SLC25A21: variants seen among roughly 807,000 people sequenced by gnomAD.
SLC25A21 encodes the protein mitochondrial 2-oxodicarboxylate carrier.
Under a neutral mutation model 43.8 loss-of-function variants are expected in SLC25A21, and 47 were observed. That is an observed-to-expected ratio of 1.07 (90% CI 0.85 to 1.37). The LOEUF (loss-of-function observed/expected upper bound fraction) is 1.37, where lower values mean the gene tolerates loss of function less well. Among genes scored for constraint, SLC25A21 ranks in the 40% most tolerant of loss-of-function variants. The pLI, the probability that SLC25A21 is intolerant of heterozygous loss-of-function variation, is 0.00. For missense variants in SLC25A21, 352 were observed against 350.2 expected, an observed-to-expected ratio of 1.00 and a Z score of -0.04; for synonymous variants, 131 against 121.3, an observed-to-expected ratio of 1.08 and a Z score of -0.52.
intron 1 of SLC25A21, among the ~76,000 whole-genome samples, chr14:36,947,911 A>G (rs1203466993): frequency 6.6e-6 from 1 of 152,198 alleles, no homozygotes; most frequent in Admixed American, 6.5e-5. Flanking sequence ...ATTCTAAATG[A>G]TATGTATGTG....
intron 1 of SLC25A21, among the ~76,000 whole-genome samples, chr14:37,002,792 C>T (rs1236804611): frequency 6.6e-6 from 1 of 152,180 alleles, no homozygotes; most frequent in Non-Finnish European, 1.5e-5. Flanking sequence ...AGGGCTAGTC[C>T]ATGATATTCT....
intron 2 of SLC25A21, among the ~76,000 whole-genome samples, chr14:36,822,539 A>G (rs1888672385): frequency 2.0e-5 from 3 of 152,230 alleles, no homozygotes; most frequent in Non-Finnish European, 4.4e-5. Context: ...AAGTGTCTCT[A>G]TGTTATTATA....
chr14:37,048,400 GT>G (rs1961633778), intron 1 of SLC25A21, among the ~76,000 whole-genome samples: 1 of 151,652 alleles, frequency 6.6e-6, no homozygotes, highest in South Asian at 2.1e-4. Flanking sequence ...TCAATCAACT[GT>G]TTCCTAAGGA....
In SLC25A21 at chr14:36,699,092, C is replaced by CATCAA. The variant is rs142871283; in HGVS notation, c.603+12225_603+12226insTTGAT. Among the ~76,000 whole-genome samples the CATCAA allele has an allele frequency of 5.1e-3, 774 of 150,778 alleles. 6 individuals carry two copies. The highest frequency in any genetic ancestry group is 0.018 in the African/African-American group (752 of 41,162). ...TTTGGTCTTTGATGTTGGTGACCTACAGATGGGGTTTTGGTGTAGATGACC... is the reference window on the plus strand; with the variant it reads ...TTTGGTCTTTGATGTTGGTGACCTACATCAAAGATGGGGTTTTGGTGTAGATGACC... On this transcript the variant is annotated intron_variant, in intron 7 of 9. Transcript: ENST00000331299.
Position 36,852,124 on chromosome 14 carries a change from T to C in SLC25A21, c.119+22832A>G, listed in dbSNP as rs144977525. Among the ~76,000 whole-genome samples, 174 of 152,324 alleles carry C rather than the reference T, an allele frequency of 1.1e-3. 1 individual carries two copies. The highest frequency in any genetic ancestry group is 0.01 in the Middle Eastern group (3 of 294). On this transcript the variant is annotated intron_variant, in intron 2 of 9. Transcript: ENST00000331299. ...CAAAAAGTACTGGGAACATACCCTT[T>C]CTGATCCAAATGAGCATTCTATGTA...
rs1882100689 is a variant in SLC25A21 at position 36,679,565 on chromosome 14, A to G, written c.*1093T>C. On this transcript the variant is annotated 3_prime_UTR_variant, in exon 10 of 10. Transcript: ENST00000331299. ...AGACCAAGGAGATATTTTTGTTGATACATGTTAGTATAGTAATCCTTAGAA... is the reference window on the plus strand; with the variant it reads ...AGACCAAGGAGATATTTTTGTTGATGCATGTTAGTATAGTAATCCTTAGAA... The G allele has an allele frequency of 1.0e-6, 1 of 985,370 alleles. No individual in the cohort carries two copies. Among genetic ancestry groups the G allele is most frequent in the Non-Finnish European group, 1.2e-6 (1 of 829,888 alleles). 61.0% of individuals were successfully genotyped at this position (985,370 alleles called of 1,614,324 possible).
chr14:37,123,867 A>AT (rs1963253257), intron 1 of SLC25A21, among the ~76,000 whole-genome samples: 3 of 152,136 alleles, frequency 2.0e-5, no homozygotes, highest in Non-Finnish European at 4.4e-5. Context: ...CCATAAATAA[A>AT]AATTAAATAA....
intron 1 of SLC25A21, among the ~76,000 whole-genome samples, chr14:37,119,349 G>A (rs1488601195): frequency 6.6e-6 from 1 of 152,132 alleles, no homozygotes; most frequent in Non-Finnish European, 1.5e-5. Flanking sequence ...AGGCATTCGA[G>A]ACCAGCCTGG....
At chr14:37,084,995 A>C (rs1360019408) in intron 1 of SLC25A21, among the ~76,000 whole-genome samples, 1 of 152,194 alleles carries the variant, frequency 6.6e-6, no homozygotes, top group African/African-American at 2.4e-5. Flanking sequence ...ATGAGGTTCA[A>C]TAAATTCTTT....
chr14:37,149,009 A>G (rs866756063), intron 1 of SLC25A21, among the ~76,000 whole-genome samples: 9 of 152,244 alleles, frequency 5.9e-5, no homozygotes, highest in African/African-American at 1.4e-4. Flanking sequence ...GGCTCAAGCA[A>G]TTCTCCCCAC....
chr14:36,740,943 G>T (rs1318721024), intron 3 of SLC25A21, among the ~76,000 whole-genome samples: 5 of 152,048 alleles, frequency 3.3e-5, no homozygotes, highest in Non-Finnish European at 5.9e-5. Flanking sequence ...TAGTCAGTTT[G>T]AACGACTAAA....
chr14:36,951,711 T>C (rs1892815492), intron 1 of SLC25A21, among the ~76,000 whole-genome samples: 1 of 152,120 alleles, frequency 6.6e-6, no homozygotes, highest in Non-Finnish European at 1.5e-5. Flanking sequence ...GGTGGAAATA[T>C]TGCACAATTC....
chr14:36,981,090 T>A (rs1040149092), intron 1 of SLC25A21, among the ~76,000 whole-genome samples: 1 of 151,564 alleles, frequency 6.6e-6, no homozygotes, highest in Non-Finnish European at 1.5e-5. Context: ...GAAAAAATGC[T>A]CATGATCACT....
At chr14:37,017,141 G>A (rs1313196848) in intron 1 of SLC25A21, among the ~76,000 whole-genome samples, 1 of 151,986 alleles carries the variant, frequency 6.6e-6, no homozygotes, top group Non-Finnish European at 1.5e-5. Flanking sequence ...ACTGTTTAGT[G>A]CAAGAGGCCT....
chr14:37,116,548 T>A (rs1963110131), intron 1 of SLC25A21, among the ~76,000 whole-genome samples: 1 of 152,174 alleles, frequency 6.6e-6, no homozygotes, highest in African/African-American at 2.4e-5. Context: ...TCAAAGTTTG[T>A]GATTAAAACC....
Position 36,788,732 on chromosome 14 carries a change from G to A in SLC25A21, c.203+25186C>T, listed in dbSNP as rs148839138. 3.3e-5 allele frequency: 5 copies of A among 152,088 alleles called. No individual in the cohort carries two copies. The East Asian group carries it at 9.7e-4, about 29-fold the overall frequency. The allele number at this position is 152,088 out of a possible 1,614,324, so 9.4% of individuals were successfully genotyped here. A position where few individuals can be genotyped will look rare whatever the true frequency, so the allele number is the denominator to read the frequency against. ...TCTTTGGATTCTGATGATATTGAAA[G>A]TCTGTGCTTTGCTGTTATCTATCTG... is the stretch of plus-strand genomic sequence containing the variant. On this transcript the variant is annotated intron_variant, in intron 3 of 9. Transcript: ENST00000331299.
At chr14:36,950,324 T>C (rs1892777190) in intron 1 of SLC25A21, among the ~76,000 whole-genome samples, 1 of 152,200 alleles carries the variant, frequency 6.6e-6, no homozygotes, top group African/African-American at 2.4e-5. Context: ...CATTTGGAGA[T>C]AGGGCTGTTA....
At chr14:36,752,899 G>A (rs1444080424) in intron 3 of SLC25A21, among the ~76,000 whole-genome samples, 1 of 152,104 alleles carries the variant, frequency 6.6e-6, no homozygotes, top group Non-Finnish European at 1.5e-5. Flanking sequence ...TTTCTACCAC[G>A]ATTGTAAGTT....
At chr14:36,843,692 T>A (rs1889455365) in intron 2 of SLC25A21, among the ~76,000 whole-genome samples, 1 of 152,160 alleles carries the variant, frequency 6.6e-6, no homozygotes, top group Admixed American at 6.5e-5. Flanking sequence ...TAACCAACAT[T>A]ACCAAATGTT....
Sources: allele counts gnomAD v4.1 joint callset (sites outside exome capture counted in the v4.1 genomes callset), GRCh38; gene constraint gnomAD v4.1.1; transcripts MANE v1.5; gene names NCBI Gene and HGNC (gene_info 2026-07-23, HGNC 2026-07-21).